The following TRIM2 variants were observed in gnomAD, a reference collection of about 807,000 sequenced individuals.
The protein encoded by TRIM2 is tripartite motif containing 2.
A neutral mutation model predicts 75.2 loss-of-function variants in TRIM2; 20 were observed. The ratio of observed to expected loss-of-function variants is 0.27; its 90% CI spans 0.19 to 0.39. TRIM2 has a LOEUF of 0.39. TRIM2 is among the 10% of genes least tolerant of loss of function. TRIM2 has a pLI of 1.00. For synonymous variants in TRIM2, 373 were observed against 388.3 expected, an observed-to-expected ratio of 0.96 and a Z score of 0.46; for missense variants, 660 against 990.8, an observed-to-expected ratio of 0.67 and a Z score of 4.48.
At chr4:153,319,195 T>C (rs1004880367) in intron 8 of TRIM2, among the ~76,000 whole-genome samples, 1 of 152,210 alleles carries the variant, frequency 6.6e-6, no homozygotes, top group East Asian at 1.9e-4. Flanking sequence ...CTTATCTCCT[T>C]TTCTTTTATT....
intron 1 of TRIM2, among the ~76,000 whole-genome samples, chr4:153,238,206 A>C (rs1202667302): frequency 2.1e-4 from 32 of 152,242 alleles, no homozygotes; most frequent in Admixed American, 2.1e-3. Context: ...TCCACCCTCC[A>C]AGCAATGCTT....
chr4:153,337,218 T>C lies in TRIM2; in HGVS notation c.*2252T>C. On this transcript the variant is annotated 3_prime_UTR_variant, in exon 12 of 12. Coordinates refer to ENST00000338700, the MANE Select transcript of TRIM2 (RefSeq NM_015271.5). ...TTTCACAAGTAAAAATGGCTTTTTA[T>C]TTAGATTCTTTCTGTCCCAGGCTGT... is the stretch of plus-strand genomic sequence containing the variant. 1.0e-6 allele frequency: 1 copy of C among 985,548 alleles called. No individual in the cohort carries two copies. Among genetic ancestry groups the C allele is most frequent in the Non-Finnish European group, 1.2e-6 (1 of 829,918 alleles). 61.1% of individuals were successfully genotyped at this position (985,548 alleles called of 1,614,324 possible).
intron 1 of TRIM2, among the ~76,000 whole-genome samples, chr4:153,191,495 C>T (rs1054862301): frequency 3.3e-5 from 5 of 152,188 alleles, no homozygotes; most frequent in South Asian, 2.1e-4. Context: ...TTACTTTAAA[C>T]GTAAAATATT....
intron 1 of TRIM2, among the ~76,000 whole-genome samples, chr4:153,229,212 A>C (rs2149793449): frequency 6.6e-6 from 1 of 152,334 alleles, no homozygotes; most frequent in South Asian, 2.1e-4. Flanking sequence ...CTTGTAGTCC[A>C]CATATATTGT....
chr4:153,248,292 G>A lies in TRIM2; in HGVS notation c.31-22043G>A, dbSNP rs1038039595. Among the ~76,000 whole-genome samples, 6 of 152,120 alleles carry A rather than the reference G, an allele frequency of 3.9e-5. No homozygotes were observed. The highest frequency in any genetic ancestry group is 9.7e-5 in the African/African-American group (4 of 41,410). The stretch of plus-strand genomic sequence containing the variant: ...ATTACAGGCGTGAGCCACCGCACCC[G>A]GCCTAGATCAGGTTCTTTACATAGA... On this transcript the variant is annotated intron_variant, in intron 1 of 11. Coordinates refer to ENST00000338700, the MANE Select transcript of TRIM2 (RefSeq NM_015271.5). The surrounding 1 kb of genome is among the most constrained non-coding windows in gnomAD (Gnocchi z 4.0).
At chr4:153,197,529 G>A (rs1733903165) in intron 1 of TRIM2, among the ~76,000 whole-genome samples, 1 of 152,168 alleles carries the variant, frequency 6.6e-6, no homozygotes, top group South Asian at 2.1e-4. Context: ...GAGGTGGGGC[G>A]TTTGGGAGGT....
At chr4:153,157,046 AG>A (rs1254804473) in intron 1 of TRIM2, 1 of 152,328 alleles carries the variant, frequency 6.6e-6, no homozygotes, top group Non-Finnish European at 1.5e-5. Flanking sequence ...ACAGCCTTCC[AG>A]GGTGGCAGAG....
At chr4:153,254,529 C>T (rs565891342) in intron 1 of TRIM2, among the ~76,000 whole-genome samples, 2 of 152,268 alleles carry the variant, frequency 1.3e-5, no homozygotes, top group Admixed American at 1.3e-4. Context: ...CCACTTGAGG[C>T]CACAATATGG....
chr4:153,243,213 T>C (rs746396536), intron 1 of TRIM2, among the ~76,000 whole-genome samples: 1 of 152,228 alleles, frequency 6.6e-6, no homozygotes, highest in Non-Finnish European at 1.5e-5. Context: ...CCAAGCTTCC[T>C]ATCAGTACCG....
At chr4:153,266,284 C>T (rs1194048714) in intron 1 of TRIM2, among the ~76,000 whole-genome samples, 2 of 152,002 alleles carry the variant, frequency 1.3e-5, no homozygotes, top group Non-Finnish European at 2.9e-5. Flanking sequence ...CTCCTCCCAC[C>T]TCAGCCTCCT....
At chr4:153,284,186 T>C (rs1760061060) in intron 3 of TRIM2, among the ~76,000 whole-genome samples, 1 of 145,042 alleles carries the variant, frequency 6.9e-6, no homozygotes, top group Admixed American at 7.0e-5. Flanking sequence ...GCCTGGTTTT[T>C]TTTGTTTTGT....
intron 1 of TRIM2, among the ~76,000 whole-genome samples, chr4:153,228,621 A>G (rs1395410144): frequency 6.6e-6 from 1 of 152,238 alleles, no homozygotes; most frequent in East Asian, 1.9e-4. Context: ...ATTAAACAGA[A>G]TTCTTTCTTA....
chr4:153,242,263 C>T (rs910977419), intron 1 of TRIM2, among the ~76,000 whole-genome samples: 1 of 151,644 alleles, frequency 6.6e-6, no homozygotes, highest in Non-Finnish European at 1.5e-5. Flanking sequence ...CGAGGATATG[C>T]GGATTCTTAA....
At chr4:153,231,179 G>C (rs1221459216) in intron 1 of TRIM2, among the ~76,000 whole-genome samples, 3 of 152,102 alleles carry the variant, frequency 2.0e-5, no homozygotes, top group African/African-American at 4.8e-5. Flanking sequence ...AACAAATCTA[G>C]GAAAGTGTCT....
At position 153,275,968 on chromosome 4, in the gene TRIM2, C is replaced by T. The variant is rs370159648; in HGVS notation, c.291C>T (p.Pro97=). 105 of 1,614,186 alleles carry T rather than the reference C, an allele frequency of 6.5e-5. 1 individual carries two copies. The South Asian group carries it at 9.6e-4, about 15-fold the overall frequency. The change falls in exon 3 of 12, where the codon CCC becomes CCT. Residue 97 remains proline, a synonymous_variant. Transcript: ENST00000338700. ...CPVCRQTSIL[P]EKGVAALQNN... ...TGTGCCGCCAGACCTCCATCCTGCC[C>T]GAGAAAGGGGTGGCCGCGCTCCAGA...
At chr4:153,238,868 C>T (rs982241918) in intron 1 of TRIM2, among the ~76,000 whole-genome samples, 2 of 152,168 alleles carry the variant, frequency 1.3e-5, no homozygotes, top group Admixed American at 1.3e-4. Context: ...CTGTCTTGTA[C>T]AGAAACCTAA....
intron 1 of TRIM2, chr4:153,257,849 C>G: frequency 2.9e-6 from 1 of 342,564 alleles, no homozygotes; most frequent in Admixed American, 3.8e-5. Context: ...TTTTTTCTCC[C>G]TTCATCTCTC....
chr4:153,244,322 T>TCC (rs1747964991), intron 1 of TRIM2, among the ~76,000 whole-genome samples: 1 of 15,792 alleles, frequency 6.3e-5, no homozygotes, highest in Non-Finnish European at 1.0e-4. Flanking sequence ...CCTCCTCCTC[T>TCC]TCTTCTTCTT....
chr4:153,276,226 C>G (rs961163916), intron 3 of TRIM2, 96 bp downstream of exon 3: 1 of 1,009,898 alleles, frequency 9.9e-7, no homozygotes, highest in Non-Finnish European at 1.5e-6. Context: ...TGAAACAGAA[C>G]TCCATGTGGA....
Sources: gnomAD v4.1 joint callset for allele counts (sites outside exome capture counted in the v4.1 genomes callset) on GRCh38, gnomAD v4.1.1 for gene constraint, Gnocchi (gnomAD v3.1) non-coding constraint, MANE v1.5 for transcripts, NCBI Gene and HGNC (gene_info 2026-07-23, HGNC 2026-07-21) for gene names.